MYH15: variants seen among roughly 807,000 people sequenced by gnomAD.
The protein encoded by MYH15 is myosin heavy chain 15.
In MYH15, 227 loss-of-function variants were observed where a neutral mutation model predicts 240.5. That is an observed-to-expected ratio of 0.94 (90% CI 0.85 to 1.05). The LOEUF (loss-of-function observed/expected upper bound fraction) is 1.05, where lower values mean the gene tolerates loss of function less well. Among genes scored for constraint, MYH15 ranks in the 50% least tolerant of loss-of-function variants. The probability of loss-of-function intolerance (pLI) is 0.00; values close to 1 mark genes in which losing one functional copy is unlikely to be tolerated. For missense variants in MYH15, 2,217 were observed against 2,247.5 expected, an observed-to-expected ratio of 0.99 and a Z score of 0.27; for synonymous variants, 785 against 796.7, an observed-to-expected ratio of 0.99 and a Z score of 0.25.
In MYH15 at chr3:108,383,742, A is replaced by AAC. The variant is rs1553761698; in HGVS notation, c.5632-14_5632-13insGT. On this transcript the variant is annotated splice_polypyrimidine_tract_variant and intron_variant, in intron 39 of 40. Transcript: ENST00000693548. ...TGGCTTGTGTTTCCTATAAAAATAA[A>AAC]AAAAAAAAAAAAGAAATCTCCATGC... 39 of 1,510,246 alleles carry AAC rather than the reference A, an allele frequency of 2.6e-5. No individual in the cohort carries two copies. The highest frequency in any genetic ancestry group is 1.8e-4 in the East Asian group (8 of 43,804). 93.6% of individuals were successfully genotyped at this position (1,510,246 alleles called of 1,614,324 possible).
At chr3:108,448,674 A>C (rs2082948711) in intron 21 of MYH15, among the ~76,000 whole-genome samples, 1 of 152,114 alleles carries the variant, frequency 6.6e-6, no homozygotes, top group South Asian at 2.1e-4. Context: ...ACAAGCCCAC[A>C]GCTAACATCA....
chr3:108,449,715 G>A (rs1303235325), intron 21 of MYH15, among the ~76,000 whole-genome samples: 1 of 151,702 alleles, frequency 6.6e-6, no homozygotes, highest in Non-Finnish European at 1.5e-5. Flanking sequence ...GGCAACACAA[G>A]CAAAAATAGA....
chr3:108,453,462 C>G (rs1407348230), intron 21 of MYH15, among the ~76,000 whole-genome samples: 1 of 152,176 alleles, frequency 6.6e-6, no homozygotes, highest in Non-Finnish European at 1.5e-5. Flanking sequence ...TGCTAGCTTG[C>G]TTTTCATGAT....
At chr3:108,436,156 G>A (rs1209153427) in intron 25 of MYH15, among the ~76,000 whole-genome samples, 2 of 152,124 alleles carry the variant, frequency 1.3e-5, no homozygotes, top group Non-Finnish European at 2.9e-5. Flanking sequence ...TAGGGGAAAA[G>A]TTTTATAATA....
chr3:108,412,217 A>G (rs6769670), intron 30 of MYH15, among the ~76,000 whole-genome samples: 152,073 of 152,290 alleles, frequency 1, 75,928 homozygotes, highest in Middle Eastern at 1. Context: ...GGGAGGGACT[A>G]GTGGGAGGTA....
intron 1 of MYH15, among the ~76,000 whole-genome samples, chr3:108,517,097 C>A (rs553283282): frequency 6.6e-6 from 1 of 152,194 alleles, no homozygotes; most frequent in East Asian, 1.9e-4. Flanking sequence ...TCTTCCTTTT[C>A]TTCTCTTTCC....
rs1373989642 is a variant in MYH15, at chr3:108,470,532, CAAT to C, written c.1383+163_1383+165del. Reference sequence around the variant, plus strand: ...AAATACTTAATACCATTAAGTATAACAATAATTATTATTGATATTAATTATAGC... The same window carrying C: ...AAATACTTAATACCATTAAGTATAACAATTATTATTGATATTAATTATAGC... On this transcript the variant is annotated intron_variant, in intron 13 of 40. Coordinates refer to ENST00000693548, the MANE Select transcript of MYH15 (RefSeq NM_014981.3). 1.3e-5 allele frequency among the ~76,000 whole-genome samples: 2 copies of C among 152,194 alleles called. 1 individual carries two copies. Among genetic ancestry groups the C allele is most frequent in the South Asian group, 4.1e-4 (2 of 4,820 alleles).
At chr3:108,420,648 C>G (rs2082675453) in intron 28 of MYH15, among the ~76,000 whole-genome samples, 1 of 152,166 alleles carries the variant, frequency 6.6e-6, no homozygotes. Flanking sequence ...GGGGTCCAAT[C>G]ATACAGGCTC....
chr3:108,476,789 G>C (rs759379859), intron 11 of MYH15, among the ~76,000 whole-genome samples: 14 of 152,124 alleles, frequency 9.2e-5, no homozygotes, highest in Non-Finnish European at 1.8e-4. Context: ...ACAGCCACTA[G>C]AATGACTATA....
At chr3:108,409,292 T>A (rs1428495315) in intron 31 of MYH15, among the ~76,000 whole-genome samples, 1 of 152,052 alleles carries the variant, frequency 6.6e-6, no homozygotes, top group Non-Finnish European at 1.5e-5. Flanking sequence ...AGGGAAGAGG[T>A]TCTCAACTCT....
intron 11 of MYH15, 58 bp downstream of exon 11, chr3:108,485,033 G>A: frequency 6.4e-7 from 1 of 1,563,644 alleles, no homozygotes; most frequent in Admixed American, 1.7e-5. Context: ...AGGTAAAGGG[G>A]AGCAGGCTTG....
At chr3:108,510,202 A>G (rs376782125) in intron 1 of MYH15, among the ~76,000 whole-genome samples, 29 of 152,104 alleles carry the variant, frequency 1.9e-4, no homozygotes, top group African/African-American at 6.0e-4. Context: ...CTGTCTTAGG[A>G]TCAAGTGTGT....
intron 1 of MYH15, among the ~76,000 whole-genome samples, chr3:108,517,691 C>T (rs960563872): frequency 2.0e-5 from 3 of 152,100 alleles, no homozygotes; most frequent in African/African-American, 7.2e-5. Context: ...TGGTCTTGAA[C>T]TCCTGACCTC....
chr3:108,446,604 T>C (rs2082930741), intron 21 of MYH15, among the ~76,000 whole-genome samples: 1 of 147,336 alleles, frequency 6.8e-6, no homozygotes, highest in Non-Finnish European at 1.5e-5. Flanking sequence ...CCTAAAAAAA[T>C]GGAGATCTAC....
chr3:108,489,794 G>A (rs2083332920), intron 9 of MYH15, among the ~76,000 whole-genome samples: 1 of 152,158 alleles, frequency 6.6e-6, no homozygotes, highest in African/African-American at 2.4e-5. Flanking sequence ...TAGCAAACAT[G>A]GATGGTAAGA....
At chr3:108,463,586 C>T (rs2083089906) in intron 15 of MYH15, among the ~76,000 whole-genome samples, 1 of 152,148 alleles carries the variant, frequency 6.6e-6, no homozygotes, top group South Asian at 2.1e-4. Context: ...CCACCCATCT[C>T]AGCCTCCCAA....
At position 108,489,827 on chromosome 3, in the gene MYH15, G is replaced by A. The variant is rs117676437; in HGVS notation, c.871+2673C>T. ...AGAGTTCCAGATCATCTTTTAAAAT[G>A]TCCCCCAAAAGGACAATGGGTGCTA... is the stretch of plus-strand genomic sequence containing the variant. On this transcript the variant is annotated intron_variant, in intron 9 of 40. Coordinates refer to ENST00000693548, the MANE Select transcript of MYH15 (RefSeq NM_014981.3). 4.6e-4 allele frequency among the ~76,000 whole-genome samples: 70 copies of A among 152,192 alleles called. No homozygotes were observed. In the East Asian group the frequency reaches 0.013, roughly 27 times the overall value.
intron 1 of MYH15, among the ~76,000 whole-genome samples, chr3:108,518,898 C>T (rs369079374): frequency 7.2e-5 from 11 of 152,098 alleles, no homozygotes; most frequent in African/African-American, 2.7e-4. Context: ...TTTAATTGCC[C>T]ATCTTCCTAA....
At chr3:108,535,360 C>T in the MYH15 span, among the ~76,000 whole-genome samples, 1 of 152,172 alleles carries the variant, frequency 6.6e-6, no homozygotes, top group East Asian at 1.9e-4. Flanking sequence ...TTTCTTTCTG[C>T]TGCATAGATG....
Sources: allele counts gnomAD v4.1 joint callset (sites outside exome capture counted in the v4.1 genomes callset), GRCh38; gene constraint gnomAD v4.1.1; transcripts MANE v1.5; gene names NCBI Gene and HGNC (gene_info 2026-07-23, HGNC 2026-07-21).